FRY: variants seen among roughly 807,000 people sequenced by gnomAD.
FRY encodes protein furry homolog.
FRY carries 128 observed loss-of-function variants against 348.4 expected under a neutral mutation model. The observed-to-expected ratio is 0.37, with a 90% CI of 0.32 to 0.43. The LOEUF is 0.43. Ranked by LOEUF, FRY falls within the 20% of genes least tolerant of loss-of-function variation. The pLI, the probability that FRY is intolerant of heterozygous loss-of-function variation, is 1.00. For missense variants in FRY, 2,736 were observed against 3,695.2 expected (o/e 0.74, Z 6.73); for synonymous variants, 1,370 against 1,374.7 (o/e 1.00, Z 0.08).
At chr13:32,209,512 C>T (rs1884557092) in intron 32 of FRY, 73 bp from the exon 33 acceptor site, 1 of 1,469,090 alleles carries the variant, frequency 6.8e-7, no homozygotes, top group Non-Finnish European at 9.5e-7. Flanking sequence ...ACCCTCAAAA[C>T]TACTTTCAGT....
chr13:32,135,398 A>G (rs571836129), intron 10 of FRY, among the ~76,000 whole-genome samples: 1 of 152,220 alleles, frequency 6.6e-6, no homozygotes, highest in African/African-American at 2.4e-5. Flanking sequence ...ATCACCTCAG[A>G]TGACCCTCTG....
intron 51 of FRY, among the ~76,000 whole-genome samples, chr13:32,258,664 A>G (rs1887465332): frequency 6.6e-6 from 1 of 152,018 alleles, no homozygotes. Flanking sequence ...TATACCATAC[A>G]TACTTTCAGT....
rs765862493 is a variant in FRY at position 32,228,649 on chromosome 13, G to A, written c.5400G>A (p.Thr1800=). The change falls in exon 40 of 61, where the codon ACG becomes ACA. Residue 1800 remains threonine, a synonymous_variant. Transcript: ENST00000542859. ...EKANKLIEFL[T]TRAFGPLWCH... ...CAAACAAGCTCATTGAGTTTCTCACGACCAGGTAATAAGGGGTTAGGAGTC... is the reference window on the plus strand; with the variant it reads ...CAAACAAGCTCATTGAGTTTCTCACAACCAGGTAATAAGGGGTTAGGAGTC... 28 of 1,613,798 alleles carry A rather than the reference G, an allele frequency of 1.7e-5. No individual in the cohort carries two copies. Among genetic ancestry groups the A allele is most frequent in the South Asian group, 8.8e-5 (8 of 91,042 alleles).
rs370425804 is a variant in FRY at position 32,121,718 on chromosome 13, C to G, written c.465-2568C>G. 3.4e-4 allele frequency among the ~76,000 whole-genome samples: 52 copies of G among 152,296 alleles called. No individual in the cohort carries two copies. The South Asian group carries it at 4.1e-3, about 12-fold the overall frequency. ...TATAGATTGTGAAGATTTTCTCCCA[C>G]TCTGTGGGTTGTCTGTTTACTCTGC... On this transcript the variant is annotated intron_variant, in intron 4 of 60. Transcript: ENST00000542859.
chr13:32,156,559 C>T (rs1250490297), intron 15 of FRY, among the ~76,000 whole-genome samples: 1 of 149,076 alleles, frequency 6.7e-6, no homozygotes, highest in African/African-American at 2.5e-5. Context: ...CAAGATCGCA[C>T]CATTCCACTC....
chr13:32,146,244 A>G (rs1374783748), intron 11 of FRY, among the ~76,000 whole-genome samples: 1 of 151,906 alleles, frequency 6.6e-6, no homozygotes, highest in Non-Finnish European at 1.5e-5. Context: ...GGCTCAGCAT[A>G]GTAGCTCAAA....
At chr13:32,172,729 C>T (rs1306291088) in intron 18 of FRY, among the ~76,000 whole-genome samples, 1 of 152,158 alleles carries the variant, frequency 6.6e-6, no homozygotes, top group Admixed American at 6.5e-5. Flanking sequence ...CCAGAGATGA[C>T]ATTCAGCTCC....
At chr13:32,180,819 G>T (rs2138247082) in intron 23 of FRY, among the ~76,000 whole-genome samples, 1 of 152,252 alleles carries the variant, frequency 6.6e-6, no homozygotes, top group African/African-American at 2.4e-5. Context: ...GAAAAATAAA[G>T]ATTAATAAGA....
intron 36 of FRY, among the ~76,000 whole-genome samples, chr13:32,221,965 T>C (rs1171152350): frequency 6.6e-6 from 1 of 151,290 alleles, no homozygotes; most frequent in African/African-American, 2.4e-5. Flanking sequence ...TACATTAGAG[T>C]TGGGGAGGGA....
chr13:32,166,647 G>A (rs1566106871), intron 17 of FRY, among the ~76,000 whole-genome samples: 5 of 152,164 alleles, frequency 3.3e-5, no homozygotes, highest in African/African-American at 4.8e-5. Context: ...GGAAGAGATG[G>A]CAACTGTATC....
intron 3 of FRY, among the ~76,000 whole-genome samples, chr13:32,109,315 T>C (rs1215231989): frequency 6.6e-6 from 1 of 152,208 alleles, no homozygotes; most frequent in Non-Finnish European, 1.5e-5. Context: ...GACAGAGCCC[T>C]GTCCTCCAGG....
chr13:32,239,483 T>A lies in FRY; in HGVS notation c.6516+134T>A, dbSNP rs962365727. On this transcript the variant is annotated intron_variant, in intron 45 of 60. Transcript: ENST00000542859. This position sits in a 1 kb window ranked among gnomAD's most constrained non-coding sequence, Gnocchi z 4.3. ...GAAATAATAACTAATATCACAGTAA[T>A]GGAAATATAGGGGTGGCTGATGCAA... 3.8e-5 allele frequency: 28 copies of A among 738,878 alleles called. No homozygotes were observed. Among genetic ancestry groups the A allele is most frequent in the Admixed American group, 1.4e-4 (7 of 51,452 alleles). The allele number at this position is 738,878 out of a possible 1,614,324, so 45.8% of individuals were successfully genotyped here. A position where few individuals can be genotyped will look rare whatever the true frequency, so the allele number is the denominator to read the frequency against.
At chr13:32,201,907 A>G (rs1469443357) in intron 29 of FRY, 34 bp from the exon 30 acceptor site, 1 of 1,153,654 alleles carries the variant, frequency 8.7e-7, no homozygotes. Flanking sequence ...CTTATAAACC[A>G]TGCTTTTTTT....
At chr13:32,251,050 TAAG>T (rs1887053468) in intron 49 of FRY, among the ~76,000 whole-genome samples, 1 of 152,202 alleles carries the variant, frequency 6.6e-6, no homozygotes, top group African/African-American at 2.4e-5. Context: ...TGAGTTCCGT[TAAG>T]AAGAAAAATC....
intron 51 of FRY, among the ~76,000 whole-genome samples, chr13:32,256,970 T>C (rs1218329103): frequency 6.6e-6 from 1 of 152,226 alleles, no homozygotes; most frequent in Non-Finnish European, 1.5e-5. Flanking sequence ...CTTTGTTTCA[T>C]GCACAAAATT....
At chr13:32,165,261 G>A (rs1881668627) in intron 17 of FRY, among the ~76,000 whole-genome samples, 1 of 152,088 alleles carries the variant, frequency 6.6e-6, no homozygotes, top group Non-Finnish European at 1.5e-5. Flanking sequence ...AGTCTTCTAG[G>A]GTATCTAAAA....
chr13:32,199,588 A>G (rs1422677167), intron 29 of FRY, among the ~76,000 whole-genome samples: 1 of 152,206 alleles, frequency 6.6e-6, no homozygotes, highest in Non-Finnish European at 1.5e-5. Flanking sequence ...ATGAAAGGAC[A>G]TGAGATACTT....
intron 18 of FRY, 25 bp from the exon 19 acceptor site, chr13:32,173,342 G>GA (rs746607874): frequency 1.7e-5 from 27 of 1,587,710 alleles, no homozygotes; most frequent in Admixed American, 3.3e-5. Context: ...GCTGAATACA[G>GA]AATGTTGTTC....
chr13:32,120,749 C>T (rs1878600077), intron 4 of FRY, among the ~76,000 whole-genome samples: 1 of 152,216 alleles, frequency 6.6e-6, no homozygotes, highest in African/African-American at 2.4e-5. Context: ...GCAACCTCCA[C>T]CTCCCAGGTT....
Sources: allele counts gnomAD v4.1 joint callset (sites outside exome capture counted in the v4.1 genomes callset), GRCh38; gene constraint gnomAD v4.1.1; non-coding constraint Gnocchi (gnomAD v3.1); transcripts MANE v1.5; gene names NCBI Gene and HGNC (gene_info 2026-07-23, HGNC 2026-07-21).